Variants in ADAMTSL2 observed in about 807,000 individuals in gnomAD.
ADAMTSL2 encodes the protein ADAMTS-like protein 2.
In ADAMTSL2, 55 loss-of-function variants were observed where a neutral mutation model predicts 117.0. That is an observed-to-expected ratio of 0.47 (90% CI 0.38 to 0.59). The LOEUF is 0.59. Among genes scored for constraint, ADAMTSL2 ranks in the 20% least tolerant of loss-of-function variants. The probability of loss-of-function intolerance (pLI) is 0.00; values close to 1 mark genes in which losing one functional copy is unlikely to be tolerated. For synonymous variants in ADAMTSL2, 572 were observed against 566.4 expected (o/e 1.01, Z -0.14); for missense variants, 1,182 against 1,354.5 (o/e 0.87, Z 2.00).
intron 12 of ADAMTSL2, among the ~76,000 whole-genome samples, chr9:133,562,796 C>CT (rs1359418727): frequency 6.6e-5 from 8 of 121,442 alleles, no homozygotes; most frequent in South Asian, 2.7e-4. Flanking sequence ...TGGTGGGCAC[C>CT]GGCTTGGCCA....
At chr9:133,561,152 G>A in intron 11 of ADAMTSL2, 46 bp from the exon 12 acceptor site, 1 of 1,513,358 alleles carries the variant, frequency 6.6e-7, no homozygotes, top group Non-Finnish European at 9.0e-7. Context: ...CCTGCCGGTG[G>A]GGCCTGGAGC....
upstream of ADAMTSL2, chr9:133,534,676 T>C (rs1052959588): frequency 6.7e-6 from 9 of 1,350,840 alleles, no homozygotes; most frequent in African/African-American, 3.1e-5. Flanking sequence ...CTGACAGCTA[T>C]AAAGGCGGCC....
intron 18 of ADAMTSL2, among the ~76,000 whole-genome samples, chr9:133,574,231 C>T (rs1379051339): frequency 1.3e-5 from 2 of 152,186 alleles, no homozygotes; most frequent in African/African-American, 4.8e-5. Flanking sequence ...GGGAGCCATG[C>T]TGAGACCTGT....
intron 3 of ADAMTSL2, 75 bp downstream of exon 3, chr9:133,537,622 T>C: frequency 7.8e-7 from 1 of 1,283,662 alleles, no homozygotes; most frequent in South Asian, 3.2e-5. Context: ...CGGTTGGCTC[T>C]TCAGCCTGGT....
chr9:133,554,441 A>G lies in ADAMTSL2; in HGVS notation c.1024A>G (p.Ile342Val), dbSNP rs1309501913. Residue 342 changes from isoleucine (I) to valine (V), a missense_variant, in exon 10 of 19, where the codon ATC becomes GTC. Coordinates refer to ENST00000651351, the MANE Select transcript of ADAMTSL2 (RefSeq NM_014694.4). This position sits in a 1 kb window ranked among gnomAD's most constrained non-coding sequence, Gnocchi z 5.2. ...QPPHESRPQP[I>V]YYGFSESAES... ...GCCACACGAGAGCCGCCCCCAGCCC[A>G]TCTACTATGGCTTCTCCGAGAGCGC... The G allele has an allele frequency of 1.7e-5, 27 of 1,562,896 alleles. No homozygotes were observed. The highest frequency in any genetic ancestry group is 1.5e-4 in the Admixed American group (8 of 52,776).
chr9:133,539,174 G>A (rs1018223950), intron 4 of ADAMTSL2, among the ~76,000 whole-genome samples: 1 of 152,164 alleles, frequency 6.6e-6, no homozygotes, highest in Non-Finnish European at 1.5e-5. Context: ...CTGGTCAGCT[G>A]CCCTCCTAGG....
chr9:133,566,986 G>T lies in ADAMTSL2; in HGVS notation c.1798G>T (p.Asp600Tyr). 6.2e-7 allele frequency: 1 copy of T among 1,611,526 alleles called. No individual in the cohort carries two copies. ...MCVRYDGVEV[D>Y]DSYCDALTRP... ...TGTCCGCTATGATGGCGTCGAGGTG[G>T]ATGACAGCTACTGTGACGCCCTGAC... is the stretch of plus-strand genomic sequence containing the variant. The change falls in exon 13 of 19, where the codon GAT (aspartate) becomes TAT (tyrosine). Residue 600 changes from aspartate to tyrosine, a missense_variant. By Grantham distance (160) the Asp-to-Tyr change is radical (BLOSUM62 -3). Coordinates refer to ENST00000651351, the MANE Select transcript of ADAMTSL2 (RefSeq NM_014694.4).
At position 133,537,443 on chromosome 9, in the gene ADAMTSL2, C is replaced by T. The variant is rs781004012; in HGVS notation, c.129C>T (p.Thr43=). Residue 43 remains threonine (T), a synonymous_variant, in exon 3 of 19, where the codon ACC becomes ACT. Coordinates refer to ENST00000651351, the MANE Select transcript of ADAMTSL2 (RefSeq NM_014694.4). ...CATCCAATAGCCTGGAGGGGGGCAC[C>T]GACGCCACGGCCTTCTGGTGGGGGG... ...SPTSNSLEGG[T]DATAFWWGEW... is the part of the protein sequence containing the mutation. 14 of 1,345,344 alleles carry T rather than the reference C, an allele frequency of 1.0e-5. No individual in the cohort carries two copies. Among genetic ancestry groups the T allele is most frequent in the East Asian group, 8.3e-5 (3 of 35,964 alleles). 83.3% of individuals were successfully genotyped at this position (1,345,344 alleles called of 1,614,324 possible).
intron 11 of ADAMTSL2, among the ~76,000 whole-genome samples, chr9:133,556,408 C>A (rs918624976): frequency 2.0e-5 from 3 of 152,192 alleles, no homozygotes; most frequent in African/African-American, 7.2e-5. Context: ...TAGTTTTAAG[C>A]CTGGACAGTC....
At chr9:133,535,895 C>T (rs1157378526) in intron 1 of ADAMTSL2, among the ~76,000 whole-genome samples, 1 of 152,144 alleles carries the variant, frequency 6.6e-6, no homozygotes, top group African/African-American at 2.4e-5. Context: ...ACAGTCCCTT[C>T]CAATGGGCTT....
At chr9:133,570,650 C>G in intron 17 of ADAMTSL2, 143 bp downstream of exon 17, 1 of 926,988 alleles carries the variant, frequency 1.1e-6, no homozygotes, top group Admixed American at 2.1e-5. Context: ...CCCGGGAAAG[C>G]TTCTCAACTC....
chr9:133,539,760 T>C lies in ADAMTSL2; in HGVS notation c.310-11T>C. ...TTCCTCCCGGAGCCTCCCTGTCCCT[T>C]CGCTTCCCAGGAGTGTCCGCCGGAC... On this transcript the variant is annotated splice_polypyrimidine_tract_variant and intron_variant, in intron 4 of 18. Coordinates refer to ENST00000651351, the MANE Select transcript of ADAMTSL2 (RefSeq NM_014694.4). 7.4e-7 allele frequency: 1 copy of C among 1,357,994 alleles called. No homozygotes were observed. The highest frequency in any genetic ancestry group is 9.5e-7 in the Non-Finnish European group (1 of 1,048,332). The allele number at this position is 1,357,994 out of a possible 1,614,324, so 84.1% of individuals were successfully genotyped here. A position where few individuals can be genotyped will look rare whatever the true frequency, so the allele number is the denominator to read the frequency against.
intron 12 of ADAMTSL2, among the ~76,000 whole-genome samples, chr9:133,563,832 A>AAAGG (rs1830811398): frequency 1.1e-5 from 1 of 88,960 alleles, no homozygotes; most frequent in Non-Finnish European, 2.4e-5. Context: ...AGAGAGAGAG[A>AAAGG]GAGAGAGAGA....
chr9:133,564,380 GA>G (rs1338132147), intron 12 of ADAMTSL2, among the ~76,000 whole-genome samples: 24 of 63,348 alleles, frequency 3.8e-4, no homozygotes, highest in Non-Finnish European at 8.2e-4. Flanking sequence ...GAGAGGGAGA[GA>G]GAGGGAGAGA....
At position 133,539,803 on chromosome 9, in the gene ADAMTSL2, G is replaced by T; in HGVS notation, c.342G>T (p.Glu114Asp). The T allele has an allele frequency of 1.3e-6, 2 of 1,548,062 alleles. No homozygotes were observed. The highest frequency in any genetic ancestry group is 1.7e-6 in the Non-Finnish European group (2 of 1,146,074). The change falls in exon 5 of 19, where the codon GAG becomes GAT. Residue 114 changes from glutamate (E) to aspartate (D), a missense_variant. Physicochemically the swap from Glu to Asp is conservative, Grantham distance 45. This residue lies in a region of ADAMTSL2 where 372 missense variants were observed against 463.4 expected (regional missense o/e 0.80). Coordinates refer to ENST00000651351, the MANE Select transcript of ADAMTSL2 (RefSeq NM_014694.4). ...ECPPDGRSFR[E>D]EQCVSFNSHV... Reference sequence around the variant, plus strand: ...CGCCGGACGGGAGGAGCTTCCGCGAGGAGCAGTGCGTCTCCTTCAACTCCC... The same window carrying T: ...CGCCGGACGGGAGGAGCTTCCGCGATGAGCAGTGCGTCTCCTTCAACTCCC...
chr9:133,556,970 T>C (rs1257472314), intron 11 of ADAMTSL2, among the ~76,000 whole-genome samples: 1 of 151,902 alleles, frequency 6.6e-6, no homozygotes, highest in Admixed American at 6.6e-5. Context: ...TGAGTGGGGG[T>C]TGGAGGCAGG....
chr9:133,565,087 C>T (rs1830934092), intron 12 of ADAMTSL2, among the ~76,000 whole-genome samples: 1 of 152,140 alleles, frequency 6.6e-6, no homozygotes, highest in African/African-American at 2.4e-5. Flanking sequence ...TTCGGCGCTC[C>T]AGGGCACCGT....
At chr9:133,533,145 G>A (rs1829974897), upstream of ADAMTSL2, among the ~76,000 whole-genome samples, 1 of 146,196 alleles carries the variant, frequency 6.8e-6, no homozygotes, top group African/African-American at 2.6e-5. Flanking sequence ...ATGTGAGAGG[G>A]ACTGGGTGTG....
intron 3 of ADAMTSL2, 42 bp from the exon 4 acceptor site, chr9:133,538,307 C>A: frequency 6.2e-7 from 1 of 1,611,336 alleles, no homozygotes; most frequent in South Asian, 1.1e-5. Flanking sequence ...ATTCCTGAAA[C>A]TCCTCTGCAG....
Sources: allele counts gnomAD v4.1 joint callset (sites outside exome capture counted in the v4.1 genomes callset), GRCh38; gene constraint gnomAD v4.1.1; regional missense constraint gnomAD v4.1.1; non-coding constraint Gnocchi (gnomAD v3.1); transcripts MANE v1.5; gene names NCBI Gene and HGNC (gene_info 2026-07-23, HGNC 2026-07-21).